The following NTM variants were observed in gnomAD, a reference collection of about 807,000 sequenced individuals.
NTM encodes the protein IgLON family member 2.
In NTM, 13 loss-of-function variants were observed where a neutral mutation model predicts 42.1. The observed-to-expected ratio is 0.31, with a 90% CI of 0.20 to 0.49. The LOEUF (loss-of-function observed/expected upper bound fraction) is 0.49, where lower values mean the gene tolerates loss of function less well. NTM is among the 20% of genes least tolerant of loss of function. The probability of loss-of-function intolerance (pLI) is 0.99; values close to 1 mark genes in which losing one functional copy is unlikely to be tolerated. For synonymous variants in NTM, 187 were observed against 179.2 expected, an observed-to-expected ratio of 1.04 and a Z score of -0.35; for missense variants, 373 against 452.8, an observed-to-expected ratio of 0.82 and a Z score of 1.60.
intron 1 of NTM, among the ~76,000 whole-genome samples, chr11:131,693,733 G>A (rs1184638802): frequency 6.6e-6 from 1 of 152,172 alleles, no homozygotes. Context: ...GGGCATTGTG[G>A]CTGCAGAGAC....
At chr11:131,801,519 C>T (rs538527144) in intron 1 of NTM, among the ~76,000 whole-genome samples, 132 of 152,280 alleles carry the variant, frequency 8.7e-4, no homozygotes, top group Non-Finnish European at 1.4e-3. Flanking sequence ...TTCGCCATAG[C>T]ACAGGGTCAT....
In NTM at chr11:131,659,000, G is replaced by A. The variant is rs565285193; in HGVS notation, c.83-252564G>A. 3.9e-5 allele frequency among the ~76,000 whole-genome samples: 6 copies of A among 152,286 alleles called. No individual in the cohort carries two copies. The South Asian group carries it at 1.0e-3, about 26-fold the overall frequency. On this transcript the variant is annotated intron_variant, in intron 1 of 8. Transcript: ENST00000683400. ...AAAAACAAATAGATGTAAGCACTGA[G>A]AAGGCAGAGAGAGCATCCCTGTGCA...
chr11:131,570,502 C>T (rs539481270), intron 1 of NTM, among the ~76,000 whole-genome samples: 3 of 152,044 alleles, frequency 2.0e-5, no homozygotes, highest in African/African-American at 4.8e-5. Flanking sequence ...AGTGTTTACC[C>T]GTAGGAAACA....
At chr11:131,719,449 T>A (rs2078089096) in intron 1 of NTM, among the ~76,000 whole-genome samples, 1 of 152,196 alleles carries the variant, frequency 6.6e-6, no homozygotes, top group Non-Finnish European at 1.5e-5. Flanking sequence ...AATGCATAGC[T>A]GTGAGAGCTG....
rs879654690 is a variant in NTM at position 131,598,689 on chromosome 11, T to TTCTTTCTTTCTTTCTCTC, written c.82+227816_82+227817insCTCTCTTTCTTTCTTTCT. On this transcript the variant is annotated intron_variant, in intron 1 of 8. Coordinates refer to ENST00000683400, the MANE Select transcript of NTM (RefSeq NM_001352005.2). ...ACTACTCTCTTCTCATTTGTTTTCT[T>TTCTTTCTTTCTTTCTCTC]TCTTTCTTTCTTTCTTTCTTTCTTT... 9.7e-5 allele frequency among the ~76,000 whole-genome samples: 4 copies of TTCTTTCTTTCTTTCTCTC among 41,296 alleles called. 2 individuals are homozygous for TTCTTTCTTTCTTTCTCTC. The highest frequency in any genetic ancestry group is 2.2e-4 in the Non-Finnish European group (4 of 17,834). 27.1% of individuals were successfully genotyped at this position (41,296 alleles called of 152,430 possible).
At chr11:131,690,912 G>A (rs911869001) in intron 1 of NTM, among the ~76,000 whole-genome samples, 1 of 152,214 alleles carries the variant, frequency 6.6e-6, no homozygotes, top group African/African-American at 2.4e-5. Flanking sequence ...CAAGGGGCGG[G>A]TGGAAGTGGA....
At chr11:131,554,074 T>C (rs975992481) in intron 1 of NTM, among the ~76,000 whole-genome samples, 8 of 152,222 alleles carry the variant, frequency 5.3e-5, no homozygotes, top group African/African-American at 1.9e-4. Context: ...TCTTCCAGCC[T>C]TTAAATCCTG....
chr11:131,431,171 G>A (rs540190151), intron 1 of NTM, among the ~76,000 whole-genome samples: 2 of 152,234 alleles, frequency 1.3e-5, no homozygotes, highest in South Asian at 2.1e-4. Context: ...CAGCTTTCAC[G>A]GTGGGAATCA....
intron 4 of NTM, among the ~76,000 whole-genome samples, chr11:132,236,378 C>T (rs2088902277): frequency 6.6e-6 from 1 of 152,136 alleles, no homozygotes; most frequent in Non-Finnish European, 1.5e-5. Flanking sequence ...AGAAGGAAAA[C>T]AGCACTGGGG....
Position 131,484,475 on chromosome 11 carries a change from C to G in NTM, c.82+113587C>G, listed in dbSNP as rs562364228. Among the ~76,000 whole-genome samples, 9 of 152,282 alleles carry G rather than the reference C, an allele frequency of 5.9e-5. No individual in the cohort carries two copies. The South Asian group carries it at 1.7e-3, about 28-fold the overall frequency. On this transcript the variant is annotated intron_variant, in intron 1 of 8. Coordinates refer to ENST00000683400, the MANE Select transcript of NTM (RefSeq NM_001352005.2). ...TCCCAACTTGAGCTGGAGGAGGACA[C>G]AGCGCTGCTTCGGGCAGCACACAGG...
chr11:131,598,882 TCCTTC>T (rs2060199293), intron 1 of NTM, among the ~76,000 whole-genome samples: 3 of 77,200 alleles, frequency 3.9e-5, no homozygotes, highest in African/African-American at 1.3e-4. Context: ...CCTTCTTCCT[TCCTTC>T]CTTCCTTCCT....
At chr11:131,813,218 G>A (rs536515573) in intron 1 of NTM, among the ~76,000 whole-genome samples, 1 of 152,228 alleles carries the variant, frequency 6.6e-6, no homozygotes, top group South Asian at 2.1e-4. Flanking sequence ...TATTTTTTCA[G>A]TAACCAGATC....
chr11:131,563,027 T>C (rs1377471158), intron 1 of NTM, among the ~76,000 whole-genome samples: 1 of 152,184 alleles, frequency 6.6e-6, no homozygotes, highest in East Asian at 1.9e-4. Flanking sequence ...GTCATTTCCA[T>C]CTCTGTCCCG....
At chr11:131,389,292 T>A (rs1443065780) in intron 1 of NTM, among the ~76,000 whole-genome samples, 1 of 152,190 alleles carries the variant, frequency 6.6e-6, no homozygotes, top group Non-Finnish European at 1.5e-5. Context: ...CTTGATGCTG[T>A]GGCTGGGCAG....
At chr11:131,980,645 T>C (rs1487910668) in intron 2 of NTM, among the ~76,000 whole-genome samples, 2 of 152,228 alleles carry the variant, frequency 1.3e-5, no homozygotes, top group African/African-American at 2.4e-5. Flanking sequence ...ATATATTCTT[T>C]CATTCATAAG....
At chr11:131,720,795 A>C (rs375044545) in intron 1 of NTM, among the ~76,000 whole-genome samples, 2 of 152,138 alleles carry the variant, frequency 1.3e-5, no homozygotes, top group Non-Finnish European at 2.9e-5. Context: ...ACCACTTACT[A>C]TCTGTAAGAT....
chr11:131,484,634 C>T (rs963288791), intron 1 of NTM, among the ~76,000 whole-genome samples: 3 of 152,190 alleles, frequency 2.0e-5, no homozygotes, highest in Non-Finnish European at 2.9e-5. Context: ...CCCTCTTCCT[C>T]CTGCGTAGAC....
At chr11:131,767,139 A>G (rs1488971209) in intron 1 of NTM, 3 of 982,400 alleles carry the variant, frequency 3.1e-6, no homozygotes, top group Admixed American at 6.1e-5. Context: ...TCAACAGTTC[A>G]GGCTCCAGAT....
At chr11:131,517,135 C>A (rs531162039) in intron 1 of NTM, among the ~76,000 whole-genome samples, 4 of 152,272 alleles carry the variant, frequency 2.6e-5, no homozygotes, top group Admixed American at 2.0e-4. Context: ...CTTCTCATTG[C>A]CTATGCTGTG....
Sources: gnomAD v4.1 joint callset for allele counts (sites outside exome capture counted in the v4.1 genomes callset) on GRCh38, gnomAD v4.1.1 for gene constraint, MANE v1.5 for transcripts, NCBI Gene and HGNC (gene_info 2026-07-23, HGNC 2026-07-21) for gene names.